Variants in TENM3 observed in about 807,000 individuals in gnomAD.
TENM3 encodes teneurin-3.
A neutral mutation model predicts 255.1 loss-of-function variants in TENM3; 63 were observed. The observed-to-expected ratio is 0.25, with a 90% CI of 0.20 to 0.30. The LOEUF (loss-of-function observed/expected upper bound fraction) is 0.30, where lower values mean the gene tolerates loss of function less well. Among genes scored for constraint, TENM3 ranks in the 10% least tolerant of loss-of-function variants. The pLI, the probability that TENM3 is intolerant of heterozygous loss-of-function variation, is 1.00. For synonymous variants in TENM3, 1,306 were observed against 1,322.3 expected, an observed-to-expected ratio of 0.99 and a Z score of 0.27; for missense variants, 2,929 against 3,461.1, an observed-to-expected ratio of 0.85 and a Z score of 3.86.
the TENM3 span, among the ~76,000 whole-genome samples, chr4:181,530,237 G>A: frequency 6.6e-6 from 1 of 152,022 alleles, no homozygotes; most frequent in African/African-American, 2.4e-5. Context: ...CTACATACAG[G>A]GTAATAAATA....
Position 182,346,810 on chromosome 4 carries a change from C to T in TENM3, c.392C>T (p.Ala131Val), listed in dbSNP as rs771174682. ...GAAGCAGTGATGTCCCCAGAGCATG[C>T]CATGAGACTTTGGGGCAGGGGGGTC... ...ENEAVMSPEH[A>V]MRLWGRGVKS... Residue 131 changes from alanine to valine, a missense_variant, in exon 3 of 28, where the codon GCC becomes GTC. Physicochemically the swap from Ala to Val is moderately conservative, Grantham distance 64. This residue lies in a region of TENM3 where 283 missense variants were observed against 256.9 expected (regional missense o/e 1.10). Coordinates refer to ENST00000511685, the MANE Select transcript of TENM3 (RefSeq NM_001080477.4). 5.0e-5 allele frequency: 80 copies of T among 1,613,274 alleles called. No individual in the cohort carries two copies. In the Admixed American group the frequency reaches 1.3e-3, roughly 26 times the overall value.
At chr4:182,731,839 T>G (rs980957695) in intron 16 of TENM3, among the ~76,000 whole-genome samples, 10 of 151,148 alleles carry the variant, frequency 6.6e-5, no homozygotes, top group Admixed American at 1.3e-4. Context: ...TGGAGTGCAG[T>G]GGCACGATCT....
the TENM3 span, among the ~76,000 whole-genome samples, chr4:182,088,990 G>C: frequency 3.3e-5 from 5 of 152,142 alleles, no homozygotes. Flanking sequence ...CATGAGGGCG[G>C]AGCTCTTAAT....
the TENM3 span, among the ~76,000 whole-genome samples, chr4:181,693,161 G>A: frequency 2.0e-5 from 3 of 152,182 alleles, no homozygotes; most frequent in Admixed American, 6.5e-5. Flanking sequence ...TTGAGGTCAC[G>A]TGATATTCCT....
At chr4:181,731,090 C>T in the TENM3 span, among the ~76,000 whole-genome samples, 6 of 152,154 alleles carry the variant, frequency 3.9e-5, no homozygotes, top group African/African-American at 1.2e-4. Context: ...AGAACCACAA[C>T]TTACAGCTTG....
At chr4:181,732,537 G>A in the TENM3 span, among the ~76,000 whole-genome samples, 1 of 152,122 alleles carries the variant, frequency 6.6e-6, no homozygotes, top group Non-Finnish European at 1.5e-5. Context: ...CATAAATCAG[G>A]TAGGGCCGTA....
the TENM3 span, among the ~76,000 whole-genome samples, chr4:182,091,753 T>C: frequency 6.6e-6 from 1 of 152,168 alleles, no homozygotes; most frequent in Admixed American, 6.5e-5. Context: ...CTTCTAATTG[T>C]CTACCATTTG....
At chr4:182,464,612 T>C (rs1424141692) in intron 3 of TENM3, among the ~76,000 whole-genome samples, 3 of 152,228 alleles carry the variant, frequency 2.0e-5, no homozygotes, top group Non-Finnish European at 4.4e-5. Flanking sequence ...ATGAACTAGG[T>C]TTATATTAAA....
chr4:182,125,835 G>T, the TENM3 span, among the ~76,000 whole-genome samples: 2 of 150,070 alleles, frequency 1.3e-5, no homozygotes, highest in East Asian at 3.9e-4. Context: ...GAGTCCATAG[G>T]GGCCAAAAAT....
At chr4:182,176,821 A>ATTTTT (rs529637466) in intron 1 of TENM3, among the ~76,000 whole-genome samples, 6 of 113,356 alleles carry the variant, frequency 5.3e-5, no homozygotes, top group Non-Finnish European at 1.1e-4. Flanking sequence ...CATCCGGCTA[A>ATTTTT]TTTTTTTTTT....
At chr4:182,566,332 T>C (rs950270226) in intron 3 of TENM3, among the ~76,000 whole-genome samples, 1 of 152,222 alleles carries the variant, frequency 6.6e-6, no homozygotes, top group Admixed American at 6.5e-5. Flanking sequence ...GTTGTACATC[T>C]GTATCAAAGG....
the TENM3 span, among the ~76,000 whole-genome samples, chr4:181,891,483 G>T: frequency 1.3e-5 from 2 of 152,032 alleles, no homozygotes; most frequent in Non-Finnish European, 2.9e-5. Flanking sequence ...GCTTCTCTTA[G>T]CCATCCTAAT....
intron 3 of TENM3, among the ~76,000 whole-genome samples, chr4:182,550,653 C>A (rs2151930097): frequency 6.6e-6 from 1 of 152,276 alleles, no homozygotes; most frequent in Middle Eastern, 3.4e-3. Context: ...ATGCTTCTAA[C>A]ACCAGGGATT....
chr4:182,525,036 A>G (rs1739015791), intron 3 of TENM3, among the ~76,000 whole-genome samples: 1 of 152,052 alleles, frequency 6.6e-6, no homozygotes, highest in Non-Finnish European at 1.5e-5. Flanking sequence ...TCTCAACAAC[A>G]ACAACAAAAA....
the TENM3 span, among the ~76,000 whole-genome samples, chr4:181,838,983 A>G: frequency 6.6e-6 from 1 of 151,712 alleles, no homozygotes; most frequent in Admixed American, 6.6e-5. Flanking sequence ...TTTCTAATAT[A>G]AGCATTTATG....
intron 3 of TENM3, among the ~76,000 whole-genome samples, chr4:182,464,267 C>G (rs1302112347): frequency 1.3e-5 from 2 of 152,060 alleles, no homozygotes; most frequent in East Asian, 3.9e-4. Context: ...TACAGTACTT[C>G]TTTTTTTGAG....
At chr4:182,500,845 A>T (rs943161957) in intron 3 of TENM3, among the ~76,000 whole-genome samples, 2 of 152,130 alleles carry the variant, frequency 1.3e-5, no homozygotes, top group African/African-American at 4.8e-5. Flanking sequence ...GATTTATATG[A>T]TCTCTAATAA....
chr4:182,661,946 T>G (rs2152531766), intron 6 of TENM3, among the ~76,000 whole-genome samples: 1 of 152,342 alleles, frequency 6.6e-6, no homozygotes, highest in Non-Finnish European at 1.5e-5. Flanking sequence ...GGCAGAAAAC[T>G]TAGCATTTTA....
At chr4:182,680,444 GGGA>G in intron 9 of TENM3, 95 bp downstream of exon 9, 1 of 1,413,842 alleles carries the variant, frequency 7.1e-7, no homozygotes, top group Non-Finnish European at 1.0e-6. Flanking sequence ...GAAAGGGGGG[GGGA>G]GACTGGCATA....
Sources: allele counts gnomAD v4.1 joint callset (sites outside exome capture counted in the v4.1 genomes callset), GRCh38; gene constraint gnomAD v4.1.1; regional missense constraint gnomAD v4.1.1; transcripts MANE v1.5; gene names NCBI Gene and HGNC (gene_info 2026-07-23, HGNC 2026-07-21).